ACACA: variants seen among roughly 807,000 people sequenced by gnomAD.
The protein encoded by ACACA is acetyl-CoA carboxylase 1.
Under a neutral mutation model 296.1 loss-of-function variants are expected in ACACA, and 103 were observed. The ratio of observed to expected loss-of-function variants is 0.35; its 90% CI spans 0.30 to 0.41. The LOEUF (loss-of-function observed/expected upper bound fraction) is 0.41. ACACA is among the 10% of genes least tolerant of loss of function. The pLI is 1.00. For synonymous variants in ACACA, 953 were observed against 1,038.6 expected (o/e 0.92, Z 1.58); for missense variants, 1,554 against 2,989.7 (o/e 0.52, Z 11.20).
chr17:37,332,636 C>T (rs1217479310), intron 2 of ACACA, among the ~76,000 whole-genome samples: 1 of 150,670 alleles, frequency 6.6e-6, no homozygotes, highest in Non-Finnish European at 1.5e-5. Flanking sequence ...ATTGGCCGGA[C>T]GCGGTGGCTC....
intron 43 of ACACA, among the ~76,000 whole-genome samples, chr17:37,154,093 G>A (rs923888030): frequency 3.9e-5 from 6 of 152,060 alleles, no homozygotes; most frequent in East Asian, 1.9e-4. Flanking sequence ...GATTATTTGA[G>A]GTCAGGAGTT....
intron 42 of ACACA, among the ~76,000 whole-genome samples, chr17:37,159,957 T>C (rs2076397525): frequency 6.6e-6 from 1 of 152,190 alleles, no homozygotes; most frequent in South Asian, 2.1e-4. Context: ...GCTAATGCTA[T>C]TGTCAAATAA....
chr17:37,315,083 C>A (rs1313895931), intron 3 of ACACA, among the ~76,000 whole-genome samples: 5 of 151,728 alleles, frequency 3.3e-5, no homozygotes, highest in African/African-American at 1.2e-4. Context: ...CTCAGCCTCC[C>A]GAGTAGCTGG....
At chr17:37,297,546 T>TATAC (rs746487072) in intron 3 of ACACA, among the ~76,000 whole-genome samples, 4,179 of 150,180 alleles carry the variant, frequency 0.028, 180 homozygotes, top group African/African-American at 0.094. Flanking sequence ...TATATATATA[T>TATAC]ACACTTTTTT....
At chr17:37,404,724 G>C (rs999685887) in intron 1 of ACACA, among the ~76,000 whole-genome samples, 8 of 151,818 alleles carry the variant, frequency 5.3e-5, no homozygotes, top group African/African-American at 1.9e-4. Flanking sequence ...ACAGGCGCCC[G>C]TCACAATGCC....
At chr17:37,088,671 G>T (rs940132936) in intron 55 of ACACA, among the ~76,000 whole-genome samples, 2 of 152,294 alleles carry the variant, frequency 1.3e-5, no homozygotes, top group Admixed American at 1.3e-4. Flanking sequence ...TCCGGTTTGA[G>T]TATCAGCATT....
chr17:37,340,166 A>T (rs1172617260), intron 1 of ACACA, among the ~76,000 whole-genome samples: 3 of 152,204 alleles, frequency 2.0e-5, no homozygotes, highest in Non-Finnish European at 4.4e-5. Context: ...ATATTTCATC[A>T]AAAAAGAGGC....
chr17:37,278,540 A>G (rs1296509522), intron 5 of ACACA, among the ~76,000 whole-genome samples: 2 of 152,232 alleles, frequency 1.3e-5, no homozygotes, highest in Non-Finnish European at 2.9e-5. Flanking sequence ...GGTATTTGTA[A>G]GAAACTTTAG....
chr17:37,339,878 T>C (rs767705534), intron 1 of ACACA, 28 bp from the exon 2 acceptor site: 3 of 844,466 alleles, frequency 3.6e-6, no homozygotes, highest in African/African-American at 1.8e-5. Context: ...GATTTTAAGG[T>C]TTTTTTTTTT....
intron 51 of ACACA, among the ~76,000 whole-genome samples, chr17:37,112,269 T>TA (rs935848766): frequency 5.3e-5 from 8 of 151,590 alleles, no homozygotes; most frequent in East Asian, 3.9e-4. Flanking sequence ...CAAACATGTT[T>TA]AAAAAAAAAC....
At chr17:37,394,357 T>C (rs1033497016) in intron 1 of ACACA, among the ~76,000 whole-genome samples, 2 of 151,872 alleles carry the variant, frequency 1.3e-5, no homozygotes, top group African/African-American at 4.8e-5. Flanking sequence ...ATTACAGGCA[T>C]GCGCCACCAC....
intron 1 of ACACA, among the ~76,000 whole-genome samples, chr17:37,380,329 G>A (rs1158088076): frequency 1.3e-5 from 2 of 151,056 alleles, no homozygotes; most frequent in East Asian, 3.9e-4. Flanking sequence ...AATGCTAGAT[G>A]ACGAGTTAGT....
intron 3 of ACACA, among the ~76,000 whole-genome samples, chr17:37,327,375 C>T (rs925049298): frequency 3.9e-5 from 6 of 152,126 alleles, no homozygotes; most frequent in Non-Finnish European, 7.4e-5. Context: ...AAACAGAAAA[C>T]GTTTTTTCTA....
chr17:37,127,241 C>T (rs1458016207), intron 47 of ACACA, among the ~76,000 whole-genome samples: 2 of 152,202 alleles, frequency 1.3e-5, no homozygotes, highest in African/African-American at 4.8e-5. Context: ...TTTCTAGGTT[C>T]ATCAGAACAC....
intron 1 of ACACA, among the ~76,000 whole-genome samples, chr17:37,368,117 C>T (rs1282317556): frequency 6.6e-6 from 1 of 151,378 alleles, no homozygotes; most frequent in Admixed American, 6.6e-5. Flanking sequence ...TTCACTGCCT[C>T]CTGCACCCAC....
intron 55 of ACACA, among the ~76,000 whole-genome samples, 175 bp from the exon 56 acceptor site, chr17:37,087,614 A>G (rs2072298472): frequency 6.6e-6 from 1 of 152,214 alleles, no homozygotes; most frequent in African/African-American, 2.4e-5. Flanking sequence ...GTGCAAGACA[A>G]ACCCAAAACA....
chr17:37,161,646 A>G (rs1265443016), intron 42 of ACACA, 135 bp downstream of exon 42: 3 of 1,083,056 alleles, frequency 2.8e-6, no homozygotes, highest in Non-Finnish European at 4.0e-6. Context: ...GAATTTTCAC[A>G]AATAATTTTG....
At chr17:37,355,869 A>G (rs1224388459) in intron 1 of ACACA, among the ~76,000 whole-genome samples, 1 of 151,514 alleles carries the variant, frequency 6.6e-6, no homozygotes, top group African/African-American at 2.4e-5. Context: ...AAATAAATAA[A>G]TAAATAAATA....
intron 41 of ACACA, among the ~76,000 whole-genome samples, chr17:37,166,587 T>G (rs2076677087): frequency 6.6e-6 from 1 of 152,230 alleles, no homozygotes; most frequent in African/African-American, 2.4e-5. Context: ...ATAACTACCA[T>G]TAATTGAACA....
Sources: gnomAD v4.1 joint callset for allele counts (sites outside exome capture counted in the v4.1 genomes callset) on GRCh38, gnomAD v4.1.1 for gene constraint, MANE v1.5 for transcripts, NCBI Gene and HGNC (gene_info 2026-07-23, HGNC 2026-07-21) for gene names.